Variants in NTNG1 observed in about 807,000 individuals in gnomAD.
The protein encoded by NTNG1 is netrin G1, also known as netrin-G1.
A neutral mutation model predicts 54.0 loss-of-function variants in NTNG1; 16 were observed. The ratio of observed to expected loss-of-function variants is 0.30; its 90% CI spans 0.20 to 0.45. The LOEUF is 0.45. NTNG1 is among the 20% of genes least tolerant of loss of function. The pLI is 1.00. For synonymous variants in NTNG1, 255 were observed against 263.1 expected, an observed-to-expected ratio of 0.97 and a Z score of 0.30; for missense variants, 530 against 678.7, an observed-to-expected ratio of 0.78 and a Z score of 2.43.
chr1:107,281,978 T>G (rs1259987254), intron 2 of NTNG1, among the ~76,000 whole-genome samples: 1 of 152,138 alleles, frequency 6.6e-6, no homozygotes, highest in East Asian at 1.9e-4. Context: ...CTTGCAGACA[T>G]CAGTTAGAAC....
At chr1:107,364,049 A>G (rs1184562319) in intron 3 of NTNG1, among the ~76,000 whole-genome samples, 3 of 152,186 alleles carry the variant, frequency 2.0e-5, no homozygotes, top group East Asian at 3.8e-4. Flanking sequence ...AGAAGAATGT[A>G]TAAGTATTTC....
intron 1 of NTNG1, among the ~76,000 whole-genome samples, chr1:107,142,207 G>T (rs991738582): frequency 6.6e-6 from 1 of 151,884 alleles, no homozygotes; most frequent in Non-Finnish European, 1.5e-5. Flanking sequence ...GAATATTATT[G>T]GGCCTAAAAT....
chr1:107,352,212 C>T (rs1214469049), intron 3 of NTNG1, among the ~76,000 whole-genome samples: 1 of 152,226 alleles, frequency 6.6e-6, no homozygotes, highest in Non-Finnish European at 1.5e-5. Flanking sequence ...CACAGACCCA[C>T]TAGGCAGTGC....
rs1571059250 is a variant in NTNG1 at position 107,480,830 on chromosome 1, T to A, written c.1610T>A (p.Leu537Gln). 6.4e-7 allele frequency: 1 copy of A among 1,561,436 alleles called. No homozygotes were observed. The highest frequency in any genetic ancestry group is 1.9e-5 in the Admixed American group (1 of 52,356). ...ACGCTGCTGGGAACCGCCAGCCCCC[T>A]GGTGTTCTAGGTGTCACCTCCAGCC... ...LTTLLGTASP[L>Q]VF Residue 537 changes from leucine to glutamine, a missense_variant, in exon 8 of 8, where the codon CTG (leucine) becomes CAG (glutamine). This residue lies in a region of NTNG1 where 212 missense variants were observed against 213.6 expected (regional missense o/e 0.99). Transcript: ENST00000370068.
At chr1:107,446,387 T>C (rs1214614703) in intron 7 of NTNG1, among the ~76,000 whole-genome samples, 4 of 152,100 alleles carry the variant, frequency 2.6e-5, no homozygotes, top group Non-Finnish European at 5.9e-5. Flanking sequence ...TCAGGATTGC[T>C]CATGTTGGTG....
intron 2 of NTNG1, among the ~76,000 whole-genome samples, chr1:107,237,971 G>A (rs1661531159): frequency 6.6e-6 from 1 of 152,152 alleles, no homozygotes; most frequent in Admixed American, 6.6e-5. Flanking sequence ...TAGTGGAGCT[G>A]TGAGAAGAGG....
chr1:107,235,196 G>T (rs1570923180), intron 2 of NTNG1, among the ~76,000 whole-genome samples: 1 of 152,114 alleles, frequency 6.6e-6, no homozygotes, highest in Admixed American at 6.6e-5. Flanking sequence ...TGAGATTTCA[G>T]TTCTGACACG....
chr1:107,416,873 TAACCG>T lies in NTNG1; in HGVS notation c.1087+9169_1087+9173del, dbSNP rs201024358. 1.5e-4 allele frequency among the ~76,000 whole-genome samples: 23 copies of T among 152,158 alleles called. No individual in the cohort carries two copies. In the East Asian group the frequency reaches 4.4e-3, roughly 29 times the overall value. ...ACAGAAAAAGATGGAGAAAGCTAGT[TAACCG>T]AACTAAGATTGTCTTAATCTGATAC... On this transcript the variant is annotated intron_variant, in intron 5 of 7. Transcript: ENST00000370068.
chr1:107,206,542 TG>T (rs1659209121), intron 2 of NTNG1, among the ~76,000 whole-genome samples: 1 of 152,176 alleles, frequency 6.6e-6, no homozygotes. Context: ...TCTGCCATGA[TG>T]TTCTTCTCAT....
At position 107,483,086 on chromosome 1, in the gene NTNG1, A is replaced by G. The variant is rs1678824676; in HGVS notation, c.*2246A>G. On this transcript the variant is annotated 3_prime_UTR_variant, in exon 8 of 8. Transcript: ENST00000370068. Reference sequence around the variant, plus strand: ...ACATGAAAATGCTGATAACATAGGGAGTTTGAGATTATTTATAATGAGGTG... The same window carrying G: ...ACATGAAAATGCTGATAACATAGGGGGTTTGAGATTATTTATAATGAGGTG... 6.6e-6 allele frequency: 1 copy of G among 152,200 alleles called. No individual in the cohort carries two copies. The highest frequency in any genetic ancestry group is 1.5e-5 in the Non-Finnish European group (1 of 68,042). The allele number at this position is 152,200 out of a possible 1,614,324, so 9.4% of individuals were successfully genotyped here.
In NTNG1 at chr1:107,483,527, C is replaced by T. The variant is rs566110507; in HGVS notation, c.*2687C>T. On this transcript the variant is annotated 3_prime_UTR_variant, in exon 8 of 8. Coordinates refer to ENST00000370068, the MANE Select transcript of NTNG1 (RefSeq NM_001113226.3). ...TCAAGTTCTTCTAAAGGAGCTACTC[C>T]TCTGAGGAAACCTCAACTCAGTGGA... 48 of 152,292 alleles carry T rather than the reference C, an allele frequency of 3.2e-4. No individual in the cohort carries two copies. The highest frequency in any genetic ancestry group is 1.1e-3 in the African/African-American group (46 of 41,560). 9.4% of individuals were successfully genotyped at this position (152,292 alleles called of 1,614,324 possible). A position where few individuals can be genotyped will look rare whatever the true frequency, so the allele number is the denominator to read the frequency against.
chr1:107,359,050 A>G (rs1395169339), intron 3 of NTNG1, among the ~76,000 whole-genome samples: 2 of 152,208 alleles, frequency 1.3e-5, no homozygotes, highest in African/African-American at 2.4e-5. Context: ...TAGAAATCTG[A>G]ACAAGGCAAC....
At chr1:107,349,025 C>T (rs1669434664) in intron 3 of NTNG1, among the ~76,000 whole-genome samples, 1 of 152,144 alleles carries the variant, frequency 6.6e-6, no homozygotes, top group Non-Finnish European at 1.5e-5. Flanking sequence ...CCATAGTGAG[C>T]CCTTGCCTCT....
intron 2 of NTNG1, among the ~76,000 whole-genome samples, chr1:107,240,618 C>T (rs749957193): frequency 7.9e-5 from 12 of 152,188 alleles, no homozygotes; most frequent in Non-Finnish European, 1.0e-4. Context: ...GCAAATCCTT[C>T]TTGTTCTCTG....
At chr1:107,394,200 A>G (rs1175602480) in intron 3 of NTNG1, among the ~76,000 whole-genome samples, 2 of 152,126 alleles carry the variant, frequency 1.3e-5, no homozygotes. Flanking sequence ...CATTCTGTCA[A>G]TGTAGGTTTT....
chr1:107,189,474 C>T (rs1337563738), intron 2 of NTNG1, among the ~76,000 whole-genome samples: 7 of 145,914 alleles, frequency 4.8e-5, no homozygotes, highest in African/African-American at 1.8e-4. Flanking sequence ...AAAAAAAAGG[C>T]GGGGGAGGGG....
intron 2 of NTNG1, among the ~76,000 whole-genome samples, chr1:107,246,415 A>AT (rs896080339): frequency 1.4e-5 from 2 of 141,344 alleles, no homozygotes; most frequent in African/African-American, 3.2e-5. Context: ...AAGCAAAAAA[A>AT]AAAAAAAAAT....
intron 2 of NTNG1, among the ~76,000 whole-genome samples, chr1:107,317,061 T>C (rs867571789): frequency 1.3e-5 from 2 of 152,268 alleles, no homozygotes; most frequent in African/African-American, 4.8e-5. Context: ...CTTCAGTAAA[T>C]GGACTTCAAA....
intron 3 of NTNG1, among the ~76,000 whole-genome samples, chr1:107,343,303 G>A (rs1434835451): frequency 6.6e-6 from 1 of 152,094 alleles, no homozygotes; most frequent in East Asian, 1.9e-4. Context: ...ATATTTAAGA[G>A]CAAGCCGCCA....
Sources: gnomAD v4.1 joint callset for allele counts (sites outside exome capture counted in the v4.1 genomes callset) on GRCh38, gnomAD v4.1.1 for gene constraint, gnomAD v4.1.1 regional missense constraint, MANE v1.5 for transcripts, NCBI Gene and HGNC (gene_info 2026-07-23, HGNC 2026-07-21) for gene names.